OSBPL6: variants seen among roughly 807,000 people sequenced by gnomAD.
The protein encoded by OSBPL6 is oxysterol-binding protein-related protein 6.
In OSBPL6, 49 loss-of-function variants were observed where a neutral mutation model predicts 125.8. The ratio of observed to expected loss-of-function variants is 0.39; its 90% CI spans 0.31 to 0.49. The LOEUF (loss-of-function observed/expected upper bound fraction) is 0.49. Among genes scored for constraint, OSBPL6 ranks in the 20% least tolerant of loss-of-function variants. The probability of loss-of-function intolerance (pLI) is 0.88; values close to 1 mark genes in which losing one functional copy is unlikely to be tolerated. For missense variants in OSBPL6, 986 were observed against 1,135.4 expected (o/e 0.87, Z 1.89); for synonymous variants, 394 against 391.8 (o/e 1.01, Z -0.07).
intron 16 of OSBPL6, chr2:178,382,812 T>A: frequency 7.2e-7 from 1 of 1,398,008 alleles, no homozygotes; most frequent in Non-Finnish European, 9.4e-7. Context: ...GATATTTGAG[T>A]GTATCTAATG....
At chr2:178,332,781 TGCCATTATCAGGGGAA>T in intron 7 of OSBPL6, 27 bp downstream of exon 7, 2 of 1,611,096 alleles carry the variant, frequency 1.2e-6, no homozygotes, top group Non-Finnish European at 1.7e-6. Flanking sequence ...ACAGTTTCTC[TGCCATTATCAGGGGAA>T]ACGATTTGCC....
chr2:178,363,181 A>G (rs1174067967), intron 13 of OSBPL6, among the ~76,000 whole-genome samples: 1 of 152,218 alleles, frequency 6.6e-6, no homozygotes, highest in Non-Finnish European at 1.5e-5. Flanking sequence ...AAGAAAAACA[A>G]GAAAATGCAT....
At chr2:178,232,894 G>A (rs1258698292) in intron 1 of OSBPL6, among the ~76,000 whole-genome samples, 1 of 152,256 alleles carries the variant, frequency 6.6e-6, no homozygotes, top group Non-Finnish European at 1.5e-5. Context: ...TCGTGTATAC[G>A]CTGAACTCCT....
intron 2 of OSBPL6, among the ~76,000 whole-genome samples, chr2:178,296,535 T>G (rs1481359879): frequency 6.6e-6 from 1 of 152,140 alleles, no homozygotes; most frequent in Non-Finnish European, 1.5e-5. Context: ...GGCAAATGTT[T>G]AACAATCAGC....
chr2:178,335,840 T>C (rs1689631247), intron 8 of OSBPL6, among the ~76,000 whole-genome samples: 3 of 152,198 alleles, frequency 2.0e-5, no homozygotes, highest in African/African-American at 7.2e-5. Flanking sequence ...CCAATACGAA[T>C]TCAAGGCATT....
chr2:178,265,191 CTTTTTTTTTTT>C (rs376718500), intron 1 of OSBPL6, among the ~76,000 whole-genome samples: 16 of 33,728 alleles, frequency 4.7e-4, no homozygotes, highest in Non-Finnish European at 9.9e-4. Context: ...CCAGACGAGA[CTTTTTTTTTTT>C]TTTTTTTTTT....
intron 1 of OSBPL6, among the ~76,000 whole-genome samples, chr2:178,277,860 T>G (rs953972360): frequency 4.6e-5 from 7 of 152,232 alleles, no homozygotes; most frequent in Admixed American, 1.3e-4. Context: ...CCGTTTGTTC[T>G]GCGGCTAGAT....
intron 1 of OSBPL6, among the ~76,000 whole-genome samples, chr2:178,202,403 A>G (rs1227736675): frequency 6.6e-6 from 1 of 152,198 alleles, no homozygotes; most frequent in African/African-American, 2.4e-5. Flanking sequence ...ATAAAATTCT[A>G]GGTAGACTGT....
At chr2:178,332,519 G>A in intron 6 of OSBPL6, 122 bp from the exon 7 acceptor site, 1 of 705,644 alleles carries the variant, frequency 1.4e-6, no homozygotes, top group Non-Finnish European at 2.5e-6. Flanking sequence ...TTGTTAAGGA[G>A]GTATATGTAG....
At chr2:178,261,174 CAAAA>C (rs199549668) in intron 1 of OSBPL6, among the ~76,000 whole-genome samples, 5 of 151,652 alleles carry the variant, frequency 3.3e-5, no homozygotes, top group Non-Finnish European at 7.4e-5. Context: ...AACAACAAAA[CAAAA>C]AAACCCCTGA....
intron 1 of OSBPL6, among the ~76,000 whole-genome samples, chr2:178,232,210 AT>A (rs1436840255): frequency 6.6e-6 from 1 of 152,176 alleles, no homozygotes; most frequent in Non-Finnish European, 1.5e-5. Context: ...ATGAAGATAT[AT>A]TTTTATAACA....
intron 1 of OSBPL6, among the ~76,000 whole-genome samples, chr2:178,255,749 G>A (rs929352837): frequency 5.9e-5 from 9 of 152,218 alleles, no homozygotes; most frequent in Non-Finnish European, 1.3e-4. Flanking sequence ...TAGGTTGGGG[G>A]AGGAGAATGA....
chr2:178,283,795 T>C (rs905934936), intron 1 of OSBPL6, among the ~76,000 whole-genome samples: 2 of 152,196 alleles, frequency 1.3e-5, no homozygotes, highest in East Asian at 1.9e-4. Context: ...AGAGCTGTTA[T>C]GCAGAGATCA....
chr2:178,389,023 A>C lies in OSBPL6; in HGVS notation c.2171A>C (p.Tyr724Ser). ...NVMLPKYGDYYVWNKVTTCIH... is the reference protein window; with the variant it reads ...NVMLPKYGDYSVWNKVTTCIH... ...TTCTTCACTAGGTATGGAGATTACT[A>C]TGTGTGGAATAAAGTCACCACTTGC... Residue 724 changes from tyrosine (Y) to serine (S), a missense_variant, in exon 21 of 25, where the codon TAT becomes TCT. Physicochemically the swap from Tyr to Ser is moderately radical, Grantham distance 144 (BLOSUM62 -2). Transcript: ENST00000190611. 6.2e-7 allele frequency: 1 copy of C among 1,613,900 alleles called. No individual in the cohort carries two copies. The highest frequency in any genetic ancestry group is 8.5e-7 in the Non-Finnish European group (1 of 1,179,950).
intron 1 of OSBPL6, among the ~76,000 whole-genome samples, chr2:178,265,232 G>A (rs13018203): frequency 7.0e-5 from 4 of 57,418 alleles, no homozygotes; most frequent in Non-Finnish European, 7.0e-5. Flanking sequence ...TTTTTTTTAA[G>A]ATAGCATCTT....
At chr2:178,346,411 T>G (rs1237478837) in intron 11 of OSBPL6, among the ~76,000 whole-genome samples, 1 of 152,170 alleles carries the variant, frequency 6.6e-6, no homozygotes, top group Non-Finnish European at 1.5e-5. Flanking sequence ...CGTTGCTGAA[T>G]TTCACTGTCA....
At chr2:178,278,401 G>A (rs949811520) in intron 1 of OSBPL6, among the ~76,000 whole-genome samples, 12 of 152,224 alleles carry the variant, frequency 7.9e-5, no homozygotes, top group Admixed American at 7.9e-4. Context: ...TTAGAGTCTG[G>A]TTTTGATGTT....
At position 178,394,314 on chromosome 2, in the gene OSBPL6, T is replaced by C. The variant is rs765066314; in HGVS notation, c.2575T>C (p.Phe859Leu). 6.2e-7 allele frequency: 1 copy of C among 1,611,776 alleles called. No homozygotes were observed. The highest frequency in any genetic ancestry group is 2.2e-5 in the East Asian group (1 of 44,860). Reference sequence around the variant, plus strand: ...AAATATCAACTGCTTTCTGCTTAGATTTTTGGAAGAAGGAAATTTAGAAGC... The same window carrying C: ...AAATATCAACTGCTTTCTGCTTAGACTTTTGGAAGAAGGAAATTTAGAAGC... Reference protein sequence around the residue: ...TDARFRPDQRFLEEGNLEAAA... With the variant: ...TDARFRPDQRLLEEGNLEAAA... Residue 859 changes from phenylalanine to leucine, a missense_variant and splice_region_variant, in exon 24 of 25, where the codon TTT becomes CTT. Physicochemically the swap from Phe to Leu is conservative, Grantham distance 22 (BLOSUM62 0). Transcript: ENST00000190611.
intron 11 of OSBPL6, among the ~76,000 whole-genome samples, chr2:178,343,358 G>A (rs1690395391): frequency 1.3e-5 from 2 of 151,852 alleles, no homozygotes; most frequent in African/African-American, 2.4e-5. Context: ...CAACACTCCA[G>A]CCTGGGCAAC....
Sources: gnomAD v4.1 joint callset for allele counts (sites outside exome capture counted in the v4.1 genomes callset) on GRCh38, gnomAD v4.1.1 for gene constraint, MANE v1.5 for transcripts, NCBI Gene and HGNC (gene_info 2026-07-23, HGNC 2026-07-21) for gene names.